MLIP: variants seen among roughly 807,000 people sequenced by gnomAD.
MLIP encodes muscular LMNA interacting protein, also known as muscular LMNA-interacting protein.
A neutral mutation model predicts 84.8 loss-of-function variants in MLIP; 79 were observed. The observed-to-expected ratio is 0.93, with a 90% CI of 0.78 to 1.12. The LOEUF (loss-of-function observed/expected upper bound fraction) is 1.12. Ranked by LOEUF, MLIP falls within the 50% of genes most tolerant of loss-of-function variation. The pLI is 0.00. For missense variants in MLIP, 1,257 were observed against 1,160.6 expected (o/e 1.08, Z -1.21); for synonymous variants, 504 against 463.0 (o/e 1.09, Z -1.14).
At chr6:54,096,199 G>A (rs1350708064) in intron 1 of MLIP, among the ~76,000 whole-genome samples, 3 of 151,906 alleles carry the variant, frequency 2.0e-5, no homozygotes, top group Non-Finnish European at 4.4e-5. Flanking sequence ...CCTTTTTTGG[G>A]GGCACAGGAA....
intron 11 of MLIP, among the ~76,000 whole-genome samples, chr6:54,202,890 C>A (rs1343156969): frequency 6.6e-6 from 1 of 152,046 alleles, no homozygotes; most frequent in Admixed American, 6.6e-5. Flanking sequence ...CAGAGCAAGA[C>A]CCTGTCTCAA....
At chr6:54,249,795 G>A (rs1299667009) in intron 12 of MLIP, among the ~76,000 whole-genome samples, 4 of 151,526 alleles carry the variant, frequency 2.6e-5, no homozygotes, top group Non-Finnish European at 5.9e-5. Context: ...GTATATATAT[G>A]TTTATTTACT....
chr6:54,152,622 T>G (rs1395188292), intron 5 of MLIP, among the ~76,000 whole-genome samples: 1 of 152,120 alleles, frequency 6.6e-6, no homozygotes, highest in Non-Finnish European at 1.5e-5. Flanking sequence ...CACATGGGAA[T>G]TCTGGGAGAT....
intron 3 of MLIP, among the ~76,000 whole-genome samples, chr6:54,129,976 T>A (rs111292898): frequency 1.2e-3 from 177 of 152,276 alleles, no homozygotes; most frequent in Middle Eastern, 3.4e-3. Flanking sequence ...GATTTTTTTT[T>A]AAATAACTTT....
At chr6:54,052,146 A>G (rs151065466) in intron 1 of MLIP, among the ~76,000 whole-genome samples, 1 of 152,208 alleles carries the variant, frequency 6.6e-6, no homozygotes. Flanking sequence ...ATTATGGGTG[A>G]GAACGCTGAC....
At chr6:54,099,675 A>G (rs1768496655) in intron 1 of MLIP, 1 of 152,184 alleles carries the variant, frequency 6.6e-6, no homozygotes, top group Admixed American at 6.5e-5. Flanking sequence ...AAATGTTTTC[A>G]CCAGGGATAT....
intron 4 of MLIP, among the ~76,000 whole-genome samples, chr6:54,146,090 T>C (rs1039179817): frequency 5.9e-5 from 9 of 152,136 alleles, no homozygotes; most frequent in African/African-American, 2.2e-4. Context: ...TATAAAAAGG[T>C]ATAAATAAGC....
At chr6:54,155,853 C>T (rs562263264) in intron 5 of MLIP, among the ~76,000 whole-genome samples, 1 of 152,148 alleles carries the variant, frequency 6.6e-6, no homozygotes, top group African/African-American at 2.4e-5. Flanking sequence ...AAACTACCAA[C>T]ACTTGTAATG....
intron 11 of MLIP, among the ~76,000 whole-genome samples, chr6:54,228,267 A>G (rs1780742597): frequency 6.6e-6 from 1 of 151,836 alleles, no homozygotes; most frequent in Admixed American, 6.6e-5. Flanking sequence ...GGCAAATTAA[A>G]TATCCAGGAT....
At chr6:54,194,504 A>G (rs1269366600) in intron 10 of MLIP, among the ~76,000 whole-genome samples, 4 of 152,118 alleles carry the variant, frequency 2.6e-5, no homozygotes, top group Non-Finnish European at 5.9e-5. Flanking sequence ...ATAATTATTG[A>G]GGTCTTATGT....
intron 1 of MLIP, among the ~76,000 whole-genome samples, chr6:54,042,314 T>C (rs1285242388): frequency 6.6e-6 from 1 of 152,148 alleles, no homozygotes; most frequent in Non-Finnish European, 1.5e-5. Context: ...AAGAGGGATG[T>C]AGCAGTTCCT....
At chr6:54,239,816 AAAAT>A (rs1319844705) in intron 12 of MLIP, among the ~76,000 whole-genome samples, 2 of 152,060 alleles carry the variant, frequency 1.3e-5, no homozygotes, top group African/African-American at 4.8e-5. Flanking sequence ...AAAATAAAAT[AAAAT>A]AAAGTGTTTT....
chr6:54,133,941 C>T (rs1300987413), intron 3 of MLIP, among the ~76,000 whole-genome samples: 1 of 151,996 alleles, frequency 6.6e-6, no homozygotes, highest in Non-Finnish European at 1.5e-5. Context: ...TCATTGGTAG[C>T]TCTAGAGAGG....
At chr6:54,035,442 G>A (rs1764373289) in intron 1 of MLIP, among the ~76,000 whole-genome samples, 1 of 152,068 alleles carries the variant, frequency 6.6e-6, no homozygotes, top group Non-Finnish European at 1.5e-5. Context: ...ATATATTTCT[G>A]TGTAAAAATG....
chr6:54,229,494 G>A (rs891742353), intron 11 of MLIP, among the ~76,000 whole-genome samples: 2 of 152,142 alleles, frequency 1.3e-5, no homozygotes, highest in African/African-American at 2.4e-5. Context: ...GCATCCATTA[G>A]CTATTCTTCC....
At chr6:54,134,399 C>A (rs1192335257) in intron 3 of MLIP, among the ~76,000 whole-genome samples, 1 of 151,726 alleles carries the variant, frequency 6.6e-6, no homozygotes, top group Non-Finnish European at 1.5e-5. Flanking sequence ...TACATCGTGG[C>A]ATATTTGCAA....
intron 3 of MLIP, among the ~76,000 whole-genome samples, chr6:54,136,163 G>A (rs1771781069): frequency 6.6e-6 from 1 of 152,134 alleles, no homozygotes; most frequent in African/African-American, 2.4e-5. Flanking sequence ...TTATCATTCT[G>A]TGTTGACATT....
chr6:54,174,109 G>A (rs1050561670), intron 9 of MLIP, among the ~76,000 whole-genome samples: 20 of 152,078 alleles, frequency 1.3e-4, no homozygotes, highest in Admixed American at 5.3e-4. Flanking sequence ...TTGTGTATAA[G>A]TACCATGTTT....
Position 54,135,220 on chromosome 6 carries a change from G to A in MLIP, c.646-1495G>A, listed in dbSNP as rs907826948. Among the ~76,000 whole-genome samples the A allele has an allele frequency of 6.6e-5, 10 of 152,050 alleles. No individual in the cohort carries two copies. In the East Asian group the frequency reaches 1.9e-3, roughly 29 times the overall value. ...AGTTGTTTCTAAATAAAACTTATACGAGTGAATTGCTAAGCTTTCTTCTTC... is the reference window on the plus strand; with the variant it reads ...AGTTGTTTCTAAATAAAACTTATACAAGTGAATTGCTAAGCTTTCTTCTTC... On this transcript the variant is annotated intron_variant, in intron 3 of 13. Coordinates refer to ENST00000502396, the MANE Select transcript of MLIP (RefSeq NM_001281747.2).
Sources: allele counts gnomAD v4.1 joint callset (sites outside exome capture counted in the v4.1 genomes callset), GRCh38; gene constraint gnomAD v4.1.1; transcripts MANE v1.5; gene names NCBI Gene and HGNC (gene_info 2026-07-23, HGNC 2026-07-21).